The following ANKRD29 variants were observed in gnomAD, a reference collection of about 807,000 sequenced individuals.
The protein encoded by ANKRD29 is ankyrin repeat domain 29, also known as ankyrin repeat domain-containing protein 29.
Under a neutral mutation model 38.0 loss-of-function variants are expected in ANKRD29, and 32 were observed. That is an observed-to-expected ratio of 0.84 (90% CI 0.64 to 1.13). ANKRD29 has a LOEUF of 1.13. Among genes scored for constraint, ANKRD29 ranks in the 50% most tolerant of loss-of-function variants. The probability of loss-of-function intolerance (pLI) is 0.00; values close to 1 mark genes in which losing one functional copy is unlikely to be tolerated. For missense variants in ANKRD29, 357 were observed against 377.9 expected, an observed-to-expected ratio of 0.94 and a Z score of 0.46; for synonymous variants, 135 against 152.4, an observed-to-expected ratio of 0.89 and a Z score of 0.84.
At chr18:23,652,984 T>C (rs2060228933) in intron 1 of ANKRD29, among the ~76,000 whole-genome samples, 1 of 152,240 alleles carries the variant, frequency 6.6e-6, no homozygotes, top group African/African-American at 2.4e-5. Flanking sequence ...TACTGTACTT[T>C]TCTACATTTA....
At position 23,612,164 on chromosome 18, in the gene ANKRD29, T is replaced by A; in HGVS notation, c.750A>T (p.Ala250=). ...CTGTTTTAATGTTTCCACTGAGCAC[T>A]GCTGCATGGAGCGCTGATGTCCCAT... ...LKNGTSALHA[A]VLSGNIKTVA... The change falls in exon 9 of 10, where the codon GCA becomes GCT. Residue 250 remains alanine (A), a synonymous_variant. Coordinates refer to ENST00000592179, the MANE Select transcript of ANKRD29 (RefSeq NM_173505.4). 1 of 1,614,028 alleles carries A rather than the reference T, an allele frequency of 6.2e-7. No homozygotes were observed.
At chr18:23,657,057 A>T (rs2060293898) in intron 1 of ANKRD29, among the ~76,000 whole-genome samples, 1 of 152,184 alleles carries the variant, frequency 6.6e-6, no homozygotes, top group African/African-American at 2.4e-5. Flanking sequence ...TCAGGGGTGC[A>T]AATCTCTGCT....
At chr18:23,657,154 C>T (rs573738702) in intron 1 of ANKRD29, among the ~76,000 whole-genome samples, 10 of 152,352 alleles carry the variant, frequency 6.6e-5, no homozygotes, top group South Asian at 4.1e-4. Context: ...ACCACCTGAT[C>T]GTTCTTCCTT....
At chr18:23,651,349 T>C (rs746948848) in intron 1 of ANKRD29, among the ~76,000 whole-genome samples, 2 of 152,332 alleles carry the variant, frequency 1.3e-5, no homozygotes, top group East Asian at 1.9e-4. Context: ...ACTGCAACCA[T>C]GGTTTTCACA....
intron 9 of ANKRD29, 69 bp from the exon 10 acceptor site, chr18:23,601,378 G>A: frequency 7.6e-7 from 1 of 1,313,206 alleles, no homozygotes; most frequent in Non-Finnish European, 1.1e-6. Flanking sequence ...TCCAAAGAGG[G>A]GCATTTGACC....
intron 6 of ANKRD29, among the ~76,000 whole-genome samples, chr18:23,622,963 G>A (rs1295366508): frequency 1.3e-5 from 2 of 152,192 alleles, no homozygotes; most frequent in African/African-American, 2.4e-5. Flanking sequence ...AAAGCAATCA[G>A]TTCTTCCTGG....
At chr18:23,616,742 A>G (rs1202136267) in intron 8 of ANKRD29, among the ~76,000 whole-genome samples, 1 of 146,732 alleles carries the variant, frequency 6.8e-6, no homozygotes, top group African/African-American at 2.5e-5. Context: ...ATTTAGTAAT[A>G]TTTACTAAAA....
chr18:23,629,595 T>G (rs2059903907), intron 6 of ANKRD29, among the ~76,000 whole-genome samples: 1 of 152,254 alleles, frequency 6.6e-6, no homozygotes, highest in African/African-American at 2.4e-5. Flanking sequence ...ACTTGTGTAC[T>G]TGACCTCAGA....
chr18:23,613,164 ATTTTTTTTT>A (rs546475443), intron 8 of ANKRD29, among the ~76,000 whole-genome samples: 7 of 99,058 alleles, frequency 7.1e-5, no homozygotes, highest in African/African-American at 3.0e-4. Context: ...ACGGGTCAGA[ATTTTTTTTT>A]TTTTTTTTTT....
At chr18:23,633,759 C>T (rs1376851304) in intron 5 of ANKRD29, among the ~76,000 whole-genome samples, 4 of 151,930 alleles carry the variant, frequency 2.6e-5, no homozygotes, top group Non-Finnish European at 5.9e-5. Flanking sequence ...TTAGTAGAGC[C>T]GGGGTTTCAC....
chr18:23,657,412 T>C (rs1035593901), intron 1 of ANKRD29, among the ~76,000 whole-genome samples: 1 of 152,198 alleles, frequency 6.6e-6, no homozygotes. Flanking sequence ...CCAAGCCTTC[T>C]CCTCATTCCC....
chr18:23,630,367 A>G (rs2059914892), intron 5 of ANKRD29, among the ~76,000 whole-genome samples: 2 of 152,202 alleles, frequency 1.3e-5, no homozygotes, highest in Non-Finnish European at 2.9e-5. Context: ...CAGAGGTTGC[A>G]GTGAGCTGAG....
At chr18:23,606,498 A>AG (rs1449283045) in intron 9 of ANKRD29, among the ~76,000 whole-genome samples, 1 of 151,962 alleles carries the variant, frequency 6.6e-6, no homozygotes, top group Non-Finnish European at 1.5e-5. Flanking sequence ...TTTTGTAGAG[A>AG]GGGGGTCTTG....
chr18:23,615,974 CTATG>C (rs1163719784), intron 8 of ANKRD29, among the ~76,000 whole-genome samples: 3 of 116,150 alleles, frequency 2.6e-5, no homozygotes, highest in East Asian at 5.3e-4. Context: ...TGTATATATA[CTATG>C]TATGTATGCA....
Position 23,634,297 on chromosome 18 carries a change from T to G in ANKRD29, c.331-148A>C, listed in dbSNP as rs2059975296. 2.1e-5 allele frequency: 6 copies of G among 289,866 alleles called. 1 individual carries two copies. Among genetic ancestry groups the G allele is most frequent in the Non-Finnish European group, 4.4e-5 (6 of 137,926 alleles). The allele number at this position is 289,866 out of a possible 1,614,324, so 18.0% of individuals were successfully genotyped here. ...TTCCCTGTTTTTTTTTTTTTTTTTTTTTTTTTTTTTGAGATGGAGTCTTGC... is the reference window on the plus strand; with the variant it reads ...TTCCCTGTTTTTTTTTTTTTTTTTTGTTTTTTTTTTGAGATGGAGTCTTGC... On this transcript the variant is annotated intron_variant, in intron 4 of 9. Transcript: ENST00000592179.
chr18:23,603,693 G>A (rs1470619473), intron 9 of ANKRD29, among the ~76,000 whole-genome samples: 1 of 152,134 alleles, frequency 6.6e-6, no homozygotes, highest in African/African-American at 2.4e-5. Context: ...TTGGGAAGCT[G>A]TTAAGGTCAT....
At position 23,612,101 on chromosome 18, in the gene ANKRD29, C is replaced by G; in HGVS notation, c.813G>C (p.Leu271=). 6.2e-7 allele frequency: 1 copy of G among 1,613,434 alleles called. No individual in the cohort carries two copies. The highest frequency in any genetic ancestry group is 8.5e-7 in the Non-Finnish European group (1 of 1,179,934). ...ATTGCTTAGTGGGTACCTTGTTTCT[C>G]AGGGATGGGTCTGCCCCTGCTTCTA... ...LLLEAGADPS[L]RNKANELPAE... is the part of the protein sequence containing the mutation. The change falls in exon 9 of 10, where the codon CTG becomes CTC. Residue 271 remains leucine (L), a synonymous_variant. Coordinates refer to ENST00000592179, the MANE Select transcript of ANKRD29 (RefSeq NM_173505.4).
intron 8 of ANKRD29, among the ~76,000 whole-genome samples, chr18:23,613,857 C>G (rs1159227374): frequency 6.6e-6 from 1 of 152,124 alleles, no homozygotes; most frequent in Non-Finnish European, 1.5e-5. Flanking sequence ...CTTGGCCTTC[C>G]AAAGTGCTGG....
intron 9 of ANKRD29, among the ~76,000 whole-genome samples, chr18:23,603,128 C>T (rs1244749972): frequency 2.0e-5 from 3 of 152,174 alleles, no homozygotes; most frequent in African/African-American, 4.8e-5. Context: ...TTCTCTGATG[C>T]CACATCAATA....
Sources: gnomAD v4.1 joint callset for allele counts (sites outside exome capture counted in the v4.1 genomes callset) on GRCh38, gnomAD v4.1.1 for gene constraint, MANE v1.5 for transcripts, NCBI Gene and HGNC (gene_info 2026-07-23, HGNC 2026-07-21) for gene names.